LIMS1: variants seen among roughly 807,000 people sequenced by gnomAD.
LIMS1 encodes LIM and senescent cell antigen-like-containing domain protein 1.
Under a neutral mutation model 44.1 loss-of-function variants are expected in LIMS1, and 18 were observed. That is an observed-to-expected ratio of 0.41 (90% CI 0.28 to 0.61). The LOEUF is 0.61. LIMS1 is among the 20% of genes least tolerant of loss of function. The pLI, the probability that LIMS1 is intolerant of heterozygous loss-of-function variation, is 0.32. For synonymous variants in LIMS1, 93 were observed against 149.1 expected, an observed-to-expected ratio of 0.62 and a Z score of 2.74; for missense variants, 201 against 422.0, an observed-to-expected ratio of 0.48 and a Z score of 4.59.
At chr2:108,586,185 C>G (rs914910546) in intron 1 of LIMS1, among the ~76,000 whole-genome samples, 1 of 151,910 alleles carries the variant, frequency 6.6e-6, no homozygotes. Context: ...GAGCGAGACT[C>G]CGTCTCAAAA....
At chr2:108,614,651 C>A (rs1022375829) in intron 1 of LIMS1, among the ~76,000 whole-genome samples, 1 of 152,048 alleles carries the variant, frequency 6.6e-6, no homozygotes, top group Non-Finnish European at 1.5e-5. Context: ...ACTTTTATAT[C>A]GGAGTTAGGA....
intron 1 of LIMS1, among the ~76,000 whole-genome samples, chr2:108,593,393 A>C (rs180885429): frequency 1.3e-5 from 2 of 151,444 alleles, no homozygotes; most frequent in African/African-American, 4.9e-5. Context: ...TTTCCTTCTC[A>C]CCGCCTGCCT....
At chr2:108,539,499 G>A (rs960264731) in intron 1 of LIMS1, among the ~76,000 whole-genome samples, 3 of 152,142 alleles carry the variant, frequency 2.0e-5, no homozygotes, top group African/African-American at 7.2e-5. Flanking sequence ...CCCTGTCAGC[G>A]TCTTTAAGCC....
intron 1 of LIMS1, among the ~76,000 whole-genome samples, chr2:108,623,922 T>G (rs1465403827): frequency 6.6e-6 from 1 of 152,270 alleles, no homozygotes; most frequent in African/African-American, 2.4e-5. Flanking sequence ...TAAAGAGCAC[T>G]GTAATACACA....
chr2:108,536,773 G>T (rs1439005806), intron 1 of LIMS1, among the ~76,000 whole-genome samples: 1 of 152,112 alleles, frequency 6.6e-6, no homozygotes, highest in African/African-American at 2.4e-5. Flanking sequence ...GGTAGAAACA[G>T]GGTTTCGCCA....
At chr2:108,636,718 T>G (rs1365039310) in intron 1 of LIMS1, among the ~76,000 whole-genome samples, 1 of 152,108 alleles carries the variant, frequency 6.6e-6, no homozygotes, top group Non-Finnish European at 1.5e-5. Context: ...TGAGAAGAGG[T>G]AAGGAATGGA....
chr2:108,541,713 C>G (rs1684322648), intron 1 of LIMS1, among the ~76,000 whole-genome samples: 1 of 152,140 alleles, frequency 6.6e-6, no homozygotes, highest in African/African-American at 2.4e-5. Context: ...GATTTCCTGC[C>G]TCAGTGCTGT....
Position 108,575,475 on chromosome 2 carries a change from A to C in LIMS1, c.32+40881A>C, listed in dbSNP as rs908365411. 2.0e-5 allele frequency among the ~76,000 whole-genome samples: 3 copies of C among 152,202 alleles called. No homozygotes were observed. The East Asian group carries it at 5.8e-4, about 29-fold the overall frequency. On this transcript the variant is annotated intron_variant, in intron 1 of 9. Coordinates refer to ENST00000544547, the Ensembl canonical transcript of LIMS1. ...CTTCTTTGTTTAAAGCGTGTTAGCC[A>C]TCCAGATGTTTCTAGCTCTTTCTCT...
intron 1 of LIMS1, among the ~76,000 whole-genome samples, chr2:108,596,562 G>A (rs1255439393): frequency 2.0e-5 from 3 of 152,294 alleles, no homozygotes; most frequent in African/African-American, 4.8e-5. Context: ...CATGGCACAC[G>A]CCTGTAATCC....
At chr2:108,550,211 G>A (rs13393106) in intron 1 of LIMS1, among the ~76,000 whole-genome samples, 5,076 of 152,140 alleles carry the variant, frequency 0.033, 176 homozygotes, top group South Asian at 0.14. Flanking sequence ...AAAATAAACA[G>A]CTGGCTGGGC....
chr2:108,596,720 G>A (rs1686711029), intron 1 of LIMS1, among the ~76,000 whole-genome samples: 1 of 152,228 alleles, frequency 6.6e-6, no homozygotes, highest in South Asian at 2.1e-4. Context: ...CTACTCAGGA[G>A]GCTGAAGCAG....
intron 1 of LIMS1, among the ~76,000 whole-genome samples, chr2:108,569,531 G>A (rs1685410444): frequency 2.6e-5 from 4 of 152,214 alleles, no homozygotes; most frequent in Admixed American, 2.0e-4. Flanking sequence ...TCTTTTGAAT[G>A]TGGATGTCCG....
At chr2:108,597,443 C>A (rs1260326866) in intron 1 of LIMS1, among the ~76,000 whole-genome samples, 1 of 152,058 alleles carries the variant, frequency 6.6e-6, no homozygotes, top group East Asian at 1.9e-4. Context: ...GTTGTGAATT[C>A]TTGATAAATT....
intron 1 of LIMS1, among the ~76,000 whole-genome samples, chr2:108,595,210 G>C (rs1686613031): frequency 6.6e-6 from 1 of 152,156 alleles, no homozygotes; most frequent in African/African-American, 2.4e-5. Context: ...GGTGGGGGTT[G>C]CGAGGATGCT....
chr2:108,622,219 AT>A (rs999067628), intron 1 of LIMS1, among the ~76,000 whole-genome samples: 3 of 152,024 alleles, frequency 2.0e-5, no homozygotes, highest in Non-Finnish European at 1.5e-5. Context: ...TTTAAATTAC[AT>A]TTACTGTTTA....
At chr2:108,613,464 C>G (rs967062825) in intron 1 of LIMS1, among the ~76,000 whole-genome samples, 2 of 152,112 alleles carry the variant, frequency 1.3e-5, no homozygotes, top group African/African-American at 2.4e-5. Context: ...GCCTCCCTCC[C>G]TGGCCCTCTG....
At chr2:108,607,236 G>A (rs1242660614) in intron 1 of LIMS1, 21 of 1,550,952 alleles carry the variant, frequency 1.4e-5, no homozygotes, top group South Asian at 8.3e-5. Context: ...GGGACACATC[G>A]AATCAAGATA....
At chr2:108,535,860 C>T (rs1176814098) in intron 1 of LIMS1, among the ~76,000 whole-genome samples, 1 of 152,046 alleles carries the variant, frequency 6.6e-6, no homozygotes, top group Non-Finnish European at 1.5e-5. Flanking sequence ...TGTTCTTTCC[C>T]GTAAAAATGG....
chr2:108,591,223 T>A (rs2104685042), intron 1 of LIMS1, among the ~76,000 whole-genome samples: 1 of 152,310 alleles, frequency 6.6e-6, no homozygotes, highest in Admixed American at 6.5e-5. Flanking sequence ...GGTTGCCCCA[T>A]GCTAAGCACT....
Sources: gnomAD v4.1 joint callset for allele counts (sites outside exome capture counted in the v4.1 genomes callset) on GRCh38, gnomAD v4.1.1 for gene constraint, MANE v1.5 for transcripts, NCBI Gene and HGNC (gene_info 2026-07-23, HGNC 2026-07-21) for gene names.